Variants in CSMD1 observed in about 807,000 individuals in gnomAD.
The protein encoded by CSMD1 is CUB and Sushi multiple domains 1.
In CSMD1, 213 loss-of-function variants were observed where a neutral mutation model predicts 417.5. The observed-to-expected ratio is 0.51, with a 90% CI of 0.46 to 0.57. CSMD1 has a LOEUF of 0.57. CSMD1 is among the 20% of genes least tolerant of loss of function. CSMD1 has a pLI of 0.00. For synonymous variants in CSMD1, 2,862 were observed against 1,736.8 expected, an observed-to-expected ratio of 1.65 and a Z score of -16.11; for missense variants, 6,923 against 4,529.7, an observed-to-expected ratio of 1.53 and a Z score of -15.17.
rs377316297 is a variant in CSMD1 at position 4,114,688 on chromosome 8, G to T, written c.416-82589C>A. Among the ~76,000 whole-genome samples, 5 of 152,292 alleles carry T rather than the reference G, an allele frequency of 3.3e-5. No homozygotes were observed. The East Asian group carries it at 5.8e-4, about 18-fold the overall frequency. On this transcript the variant is annotated intron_variant, in intron 3 of 69. Coordinates refer to ENST00000635120, the MANE Select transcript of CSMD1 (RefSeq NM_033225.6). ...TTAAGAAAAATTGTGCTTCATGGGA[G>T]GAGGTCAAAATTTCAAAATGAATAG...
intron 1 of CSMD1, among the ~76,000 whole-genome samples, chr8:4,707,646 G>A (rs1297847895): frequency 6.6e-6 from 1 of 151,976 alleles, no homozygotes; most frequent in African/African-American, 2.4e-5. Context: ...CAGCACTTTG[G>A]GAGGCCGAGG....
At chr8:3,553,192 A>G (rs1466756017) in intron 10 of CSMD1, among the ~76,000 whole-genome samples, 1 of 152,194 alleles carries the variant, frequency 6.6e-6, no homozygotes, top group Non-Finnish European at 1.5e-5. Context: ...GCTAAATGCA[A>G]TGTAATATCA....
At chr8:4,662,917 A>T (rs1181639263) in intron 1 of CSMD1, among the ~76,000 whole-genome samples, 1 of 152,210 alleles carries the variant, frequency 6.6e-6, no homozygotes, top group African/African-American at 2.4e-5. Context: ...AAAAGAGAGA[A>T]AGAAAAAGGA....
chr8:3,077,613 T>TTTG (rs1813777968), intron 49 of CSMD1, among the ~76,000 whole-genome samples: 3 of 152,214 alleles, frequency 2.0e-5, no homozygotes, highest in Non-Finnish European at 4.4e-5. Flanking sequence ...ATCTCTACCT[T>TTTG]AAGAATTTTG....
chr8:4,120,071 T>G (rs1320703939), intron 3 of CSMD1, among the ~76,000 whole-genome samples: 1 of 152,230 alleles, frequency 6.6e-6, no homozygotes, highest in Non-Finnish European at 1.5e-5. Context: ...GGATTATTTG[T>G]AATACAAAGG....
chr8:4,800,937 T>A lies in CSMD1; in HGVS notation c.86-163379A>T, dbSNP rs542523727. Reference sequence around the variant, plus strand: ...TCTGTAATATCGGAAATAAATCTCCTGATTGTTATTTTTTAAAAGCAGACT... The same window carrying A: ...TCTGTAATATCGGAAATAAATCTCCAGATTGTTATTTTTTAAAAGCAGACT... On this transcript the variant is annotated intron_variant, in intron 1 of 69. Transcript: ENST00000635120. Among the ~76,000 whole-genome samples, 14 of 152,350 alleles carry A rather than the reference T, an allele frequency of 9.2e-5. No homozygotes were observed. The East Asian group carries it at 1.9e-3, about 21-fold the overall frequency.
intron 2 of CSMD1, among the ~76,000 whole-genome samples, chr8:4,472,669 T>A (rs1800601857): frequency 6.7e-6 from 1 of 150,284 alleles, no homozygotes; most frequent in African/African-American, 2.5e-5. Context: ...AAATATTAAT[T>A]GCTTTGTTAT....
At chr8:3,950,863 A>T (rs1179562735) in intron 5 of CSMD1, among the ~76,000 whole-genome samples, 1 of 152,058 alleles carries the variant, frequency 6.6e-6, no homozygotes, top group Non-Finnish European at 1.5e-5. Flanking sequence ...TAAAAGATTA[A>T]ATTTCATTTT....
At chr8:4,370,624 C>T (rs1262863902) in intron 3 of CSMD1, among the ~76,000 whole-genome samples, 4 of 152,086 alleles carry the variant, frequency 2.6e-5, no homozygotes, top group Admixed American at 2.6e-4. Context: ...GAAGTTTTGT[C>T]CATTTTTAAA....
At chr8:4,638,746 AC>A (rs1803002123) in intron 1 of CSMD1, among the ~76,000 whole-genome samples, 1 of 152,146 alleles carries the variant, frequency 6.6e-6, no homozygotes, top group Admixed American at 6.6e-5. Flanking sequence ...AATTGGGATC[AC>A]CCTGAGGGTT....
At chr8:4,721,927 GA>G (rs1231244219) in intron 1 of CSMD1, among the ~76,000 whole-genome samples, 1 of 152,070 alleles carries the variant, frequency 6.6e-6, no homozygotes, top group African/African-American at 2.4e-5. Flanking sequence ...AAACACGAAA[GA>G]AAAACTAGAA....
chr8:3,644,917 C>T (rs932562349), intron 7 of CSMD1, among the ~76,000 whole-genome samples: 1 of 141,010 alleles, frequency 7.1e-6, no homozygotes, highest in African/African-American at 2.8e-5. Flanking sequence ...TAGAATTGCC[C>T]ACATTTTCCC....
At chr8:4,974,520 CA>C (rs1810432037) in intron 1 of CSMD1, among the ~76,000 whole-genome samples, 6 of 151,602 alleles carry the variant, frequency 4.0e-5, no homozygotes, top group African/African-American at 1.5e-4. Flanking sequence ...TTATTTTTAA[CA>C]TAATAACGTG....
At chr8:3,953,428 C>T (rs1412660451) in intron 5 of CSMD1, among the ~76,000 whole-genome samples, 1 of 152,082 alleles carries the variant, frequency 6.6e-6, no homozygotes, top group African/African-American at 2.4e-5. Context: ...AATGTTTCTA[C>T]TCAAAAATTA....
intron 2 of CSMD1, 26 bp from the exon 3 acceptor site, chr8:4,420,091 G>T: frequency 6.7e-7 from 1 of 1,491,586 alleles, no homozygotes; most frequent in South Asian, 1.2e-5. Flanking sequence ...AAGACACAAA[G>T]AGAGTTAAAA....
Position 3,866,132 on chromosome 8 carries a change from G to C in CSMD1, c.819-112090C>G, listed in dbSNP as rs138056145. Among the ~76,000 whole-genome samples the C allele has an allele frequency of 2.0e-5, 3 of 152,212 alleles. No individual in the cohort carries two copies. In the East Asian group the frequency reaches 5.8e-4, roughly 29 times the overall value. On this transcript the variant is annotated intron_variant, in intron 5 of 69. Transcript: ENST00000635120. Reference sequence around the variant, plus strand: ...CATTATTCCATATGTAAGTGTTTATGAATACTCTGAAGATATAACATTAAG... The same window carrying C: ...CATTATTCCATATGTAAGTGTTTATCAATACTCTGAAGATATAACATTAAG...
chr8:3,157,309 T>G (rs543631381), intron 39 of CSMD1, among the ~76,000 whole-genome samples: 51 of 152,252 alleles, frequency 3.3e-4, no homozygotes, highest in African/African-American at 1.2e-3. Flanking sequence ...TCAATGCCCC[T>G]GGAATCATTA....
intron 26 of CSMD1, among the ~76,000 whole-genome samples, chr8:3,234,500 A>T (rs2116929881): frequency 6.6e-6 from 1 of 151,570 alleles, no homozygotes; most frequent in East Asian, 2.0e-4. Context: ...GATCTAGAAG[A>T]GAGTGCTTGG....
intron 3 of CSMD1, among the ~76,000 whole-genome samples, chr8:4,212,070 A>T (rs1800343306): frequency 6.6e-6 from 1 of 152,044 alleles, no homozygotes; most frequent in Non-Finnish European, 1.5e-5. Context: ...AACTGTAAGA[A>T]AGAATATGCC....
Sources: gnomAD v4.1 joint callset for allele counts (sites outside exome capture counted in the v4.1 genomes callset) on GRCh38, gnomAD v4.1.1 for gene constraint, MANE v1.5 for transcripts, NCBI Gene and HGNC (gene_info 2026-07-23, HGNC 2026-07-21) for gene names.